NEK10: variants seen among roughly 807,000 people sequenced by gnomAD.
The protein encoded by NEK10 is NIMA related kinase 10.
Under a neutral mutation model 159.8 loss-of-function variants are expected in NEK10, and 122 were observed. The observed-to-expected ratio is 0.76, with a 90% CI of 0.66 to 0.89. NEK10 has a LOEUF of 0.89. Among genes scored for constraint, NEK10 ranks in the 40% least tolerant of loss-of-function variants. The pLI is 0.00. For missense variants in NEK10, 1,342 were observed against 1,323.1 expected (o/e 1.01, Z -0.22); for synonymous variants, 466 against 457.1 (o/e 1.02, Z -0.25).
chr3:27,207,527 T>G (rs1950629226), intron 23 of NEK10, among the ~76,000 whole-genome samples: 1 of 152,148 alleles, frequency 6.6e-6, no homozygotes. Flanking sequence ...CTAAATTGTT[T>G]GAAGACTATT....
chr3:27,201,867 A>G (rs1378050187), intron 24 of NEK10, among the ~76,000 whole-genome samples: 1 of 152,228 alleles, frequency 6.6e-6, no homozygotes, highest in South Asian at 2.1e-4. Flanking sequence ...GCAATTAAAA[A>G]TAAAAGACCA....
In NEK10 at chr3:27,256,236, A is replaced by G. The variant is rs185833590; in HGVS notation, c.2090+60T>C. 4 of 761,334 alleles carry G rather than the reference A, an allele frequency of 5.3e-6. No homozygotes were observed. In the African/African-American group the frequency reaches 7.4e-5, roughly 14 times the overall value. The allele number at this position is 761,334 out of a possible 1,614,324, so 47.2% of individuals were successfully genotyped here. On this transcript the variant is annotated intron_variant, in intron 23 of 35. Coordinates refer to ENST00000691995, the MANE Select transcript of NEK10 (RefSeq NM_001394966.1). ...TCTTTCCTTTGCAAGTCAATAATAT[A>G]AATGAAAGCCTAAATCAGTTAAGTA...
Position 27,238,746 on chromosome 3 carries a change from C to CGTGTGTGTGTGT in NEK10, c.2090+17538_2090+17549dup, listed in dbSNP as rs59740177. ...TATTTATCTAACCAACCTCCCCTTT[C>CGTGTGTGTGTGT]GTGTGTGTGTGTGTGTGTGTGTGTG... On this transcript the variant is annotated intron_variant, in intron 23 of 35. Coordinates refer to ENST00000691995, the MANE Select transcript of NEK10 (RefSeq NM_001394966.1). Among the ~76,000 whole-genome samples, 9 of 138,134 alleles carry CGTGTGTGTGTGT rather than the reference C, an allele frequency of 6.5e-5. 1 individual carries two copies. In the South Asian group the frequency reaches 1.0e-3, roughly 15 times the overall value. 90.6% of individuals were successfully genotyped at this position (138,134 alleles called of 152,430 possible). A position where few individuals can be genotyped will look rare whatever the true frequency, so the allele number is the denominator to read the frequency against.
intron 23 of NEK10, among the ~76,000 whole-genome samples, chr3:27,242,405 C>T: frequency 6.6e-6 from 1 of 152,196 alleles, no homozygotes; most frequent in Non-Finnish European, 1.5e-5. Flanking sequence ...CATAACAACC[C>T]TATGTTGTAG....
intron 23 of NEK10, among the ~76,000 whole-genome samples, chr3:27,233,883 A>C (rs531283394): frequency 2.0e-5 from 3 of 152,280 alleles, no homozygotes; most frequent in African/African-American, 7.2e-5. Flanking sequence ...AAATACTGGC[A>C]AACTGAATCC....
Position 27,290,743 on chromosome 3 carries a change from A to G in NEK10, c.1617T>C (p.His539=), listed in dbSNP as rs1410146772. 5 of 1,602,992 alleles carry G rather than the reference A, an allele frequency of 3.1e-6. No homozygotes were observed. Among genetic ancestry groups the G allele is most frequent in the Non-Finnish European group, 4.3e-6 (5 of 1,174,782 alleles). The change falls in exon 19 of 36, where the codon CAT becomes CAC. Residue 539 remains histidine, a synonymous_variant. Transcript: ENST00000691995. ...AFGCVYKVRK[H]SGQNLLAMKE... ...TCATTGCTAAAAGATTTTGACCACT[A>G]TGCTTTCTAACCTAAAATAAAGAAA... is the stretch of plus-strand genomic sequence containing the variant.
chr3:27,119,823 C>A lies in NEK10; in HGVS notation c.3127G>T (p.Ala1043Ser). Residue 1043 changes from alanine (A) to serine (S), a missense_variant, in exon 33 of 36, where the codon GCA becomes TCA. Physicochemically the swap from Ala to Ser is moderately conservative, Grantham distance 99 (BLOSUM62 1). Transcript: ENST00000691995. ...PEPIEPNFFT[A>S]DYHLLHRSSG... is the part of the protein sequence containing the mutation. ...GAACGATGTAATAAATGGTAATCTG[C>A]TGTGAAAAAGTTGGGCTCAATCGGT... 1.9e-6 allele frequency: 3 copies of A among 1,613,904 alleles called. No homozygotes were observed. Among genetic ancestry groups the A allele is most frequent in the African/African-American group, 2.7e-5 (2 of 75,004 alleles).
intron 23 of NEK10, among the ~76,000 whole-genome samples, chr3:27,209,153 A>G (rs1301310071): frequency 1.3e-5 from 2 of 152,266 alleles, no homozygotes; most frequent in East Asian, 3.8e-4. Flanking sequence ...TAAAAATGCA[A>G]TAGTTGAAAA....
chr3:27,192,173 C>T lies in NEK10; in HGVS notation c.2361G>A (p.Met787Ile). ...VEVSSMISDV[M>I]MKYLDNLSTS... Reference sequence around the variant, plus strand: ...TAGATAAGTTGTCTAAATATTTCATCATGACATCTGATATCATCGAACTGA... The same window carrying T: ...TAGATAAGTTGTCTAAATATTTCATTATGACATCTGATATCATCGAACTGA... The change falls in exon 26 of 36, where the codon ATG becomes ATA. Residue 787 changes from methionine (M) to isoleucine (I), a missense_variant. Coordinates refer to ENST00000691995, the MANE Select transcript of NEK10 (RefSeq NM_001394966.1). 6.2e-7 allele frequency: 1 copy of T among 1,614,178 alleles called. No individual in the cohort carries two copies. Among genetic ancestry groups the T allele is most frequent in the Non-Finnish European group, 8.5e-7 (1 of 1,179,990 alleles).
chr3:27,325,423 T>C (rs1051170193), intron 5 of NEK10, among the ~76,000 whole-genome samples: 40 of 152,134 alleles, frequency 2.6e-4, no homozygotes, highest in Non-Finnish European at 2.6e-4. Context: ...ATTACTTGAG[T>C]TGTGGACCCA....
At chr3:27,365,610 GTTTTTT>G (rs71091129) in intron 1 of NEK10, among the ~76,000 whole-genome samples, 1 of 99,106 alleles carries the variant, frequency 1.0e-5, no homozygotes, top group Non-Finnish European at 1.9e-5. Context: ...TTTTTTTTGT[GTTTTTT>G]TTTTTTTTTT....
intron 20 of NEK10, 127 bp from the exon 21 acceptor site, chr3:27,285,088 A>C: frequency 1.4e-6 from 1 of 692,960 alleles, no homozygotes; most frequent in Non-Finnish European, 2.3e-6. Context: ...ATTAGGGATG[A>C]TGTGCTAAAA....
chr3:27,295,548 A>G (rs1332015098), intron 15 of NEK10, 65 bp downstream of exon 15: 8 of 1,512,216 alleles, frequency 5.3e-6, no homozygotes, highest in African/African-American at 1.4e-5. Flanking sequence ...ATCATAGATC[A>G]TTTTACCATA....
At chr3:27,340,603 A>G (rs1459004874) in intron 5 of NEK10, among the ~76,000 whole-genome samples, 2 of 152,222 alleles carry the variant, frequency 1.3e-5, no homozygotes, top group Non-Finnish European at 2.9e-5. Flanking sequence ...AGTATATGAA[A>G]AAAAGTTCAA....
intron 22 of NEK10, among the ~76,000 whole-genome samples, chr3:27,269,930 CA>C (rs1385394732): frequency 6.6e-6 from 1 of 152,146 alleles, no homozygotes; most frequent in South Asian, 2.1e-4. Context: ...ATTGTTTCTA[CA>C]AAAAGTTTAT....
chr3:27,121,089 TGAGA>T (rs1941238955), intron 32 of NEK10, among the ~76,000 whole-genome samples: 1 of 152,182 alleles, frequency 6.6e-6, no homozygotes, highest in Non-Finnish European at 1.5e-5. Flanking sequence ...AGGATTTATA[TGAGA>T]GAAATAAGTG....
chr3:27,271,114 G>C (rs2041307295), intron 22 of NEK10, among the ~76,000 whole-genome samples: 1 of 151,678 alleles, frequency 6.6e-6, no homozygotes, highest in South Asian at 2.1e-4. Context: ...ATAACTATAT[G>C]TATATCCATC....
At chr3:27,294,464 A>G (rs2149504726) in intron 15 of NEK10, among the ~76,000 whole-genome samples, 1 of 152,362 alleles carries the variant, frequency 6.6e-6, no homozygotes, top group South Asian at 2.1e-4. Context: ...AAGGGAGAGC[A>G]TGCATATTCC....
intron 25 of NEK10, among the ~76,000 whole-genome samples, chr3:27,193,349 A>T (rs1313162210): frequency 6.6e-6 from 1 of 152,198 alleles, no homozygotes; most frequent in Non-Finnish European, 1.5e-5. Flanking sequence ...TAAACTGCTA[A>T]CCAGAATACT....
Sources: gnomAD v4.1 joint callset for allele counts (sites outside exome capture counted in the v4.1 genomes callset) on GRCh38, gnomAD v4.1.1 for gene constraint, MANE v1.5 for transcripts, NCBI Gene and HGNC (gene_info 2026-07-23, HGNC 2026-07-21) for gene names.